Variants in PEAR1 observed in about 807,000 individuals in gnomAD.
PEAR1 encodes multiple EGF-like domains protein 12.
A neutral mutation model predicts 131.2 loss-of-function variants in PEAR1; 113 were observed. That is an observed-to-expected ratio of 0.86 (90% CI 0.74 to 1.01). The LOEUF (loss-of-function observed/expected upper bound fraction) is 1.01. Among genes scored for constraint, PEAR1 ranks in the 50% least tolerant of loss-of-function variants. The probability of loss-of-function intolerance (pLI) is 0.00; values close to 1 mark genes in which losing one functional copy is unlikely to be tolerated. For missense variants in PEAR1, 1,408 were observed against 1,391.1 expected (o/e 1.01, Z -0.19); for synonymous variants, 565 against 523.3 (o/e 1.08, Z -1.09).
At chr1:156,904,468 A>G (rs1245505857) in intron 2 of PEAR1, among the ~76,000 whole-genome samples, 1 of 152,100 alleles carries the variant, frequency 6.6e-6, no homozygotes, top group Non-Finnish European at 1.5e-5. Context: ...CCCTTTCCAT[A>G]CAGGGAGGAG....
At chr1:156,898,393 T>G (rs896792089) in intron 1 of PEAR1, among the ~76,000 whole-genome samples, 4 of 151,998 alleles carry the variant, frequency 2.6e-5, no homozygotes, top group Non-Finnish European at 4.4e-5. Context: ...TCTGGCGCAC[T>G]CTGGCCGCAT....
Position 156,913,377 on chromosome 1 carries a change from C to T in PEAR1, c.2512-14C>T, listed in dbSNP as rs199565078. ...CTTGCCTCTTGCTCTCCCTCCTGCA[C>T]TGTCCCCTCTTAGGTTCCAGGCCCG... is the stretch of plus-strand genomic sequence containing the variant. On this transcript the variant is annotated splice_polypyrimidine_tract_variant and intron_variant, in intron 19 of 22. Coordinates refer to ENST00000292357, the MANE Select transcript of PEAR1 (RefSeq NM_001080471.3). 3 of 1,612,852 alleles carry T rather than the reference C, an allele frequency of 1.9e-6. 1 individual carries two copies. In the Middle Eastern group the frequency reaches 5.0e-4, roughly 266 times the overall value.
At chr1:156,900,430 A>T (rs1190966502) in intron 1 of PEAR1, among the ~76,000 whole-genome samples, 2 of 151,884 alleles carry the variant, frequency 1.3e-5, no homozygotes, top group Non-Finnish European at 2.9e-5. Flanking sequence ...GGGAAAGAGT[A>T]GAATCATGGG....
In PEAR1 at chr1:156,913,945, G is replaced by A. The variant is rs1247336533; in HGVS notation, c.2807G>A (p.Gly936Glu). Residue 936 changes from glycine (G) to glutamate (E), a missense_variant, in exon 22 of 23, where the codon GGG becomes GAG. Gly to Glu is a moderately conservative substitution (Grantham distance 98). Transcript: ENST00000292357. Reference protein sequence around the residue: ...ATIRDLPSLPGGPRESSYMEM... With the variant: ...ATIRDLPSLPEGPRESSYMEM... ...ATCCGGGACCTGCCCAGCTTGCCAG[G>A]GGGCCCCCGGGAGAGCAGCTACATG... The A allele has an allele frequency of 1.2e-6, 2 of 1,614,052 alleles. No homozygotes were observed. Among genetic ancestry groups the A allele is most frequent in the Non-Finnish European group, 1.7e-6 (2 of 1,180,010 alleles).
Position 156,913,537 on chromosome 1 carries a change from G to A in PEAR1, c.2644+14G>A, listed in dbSNP as rs1288754402. 6.2e-7 allele frequency: 1 copy of A among 1,611,470 alleles called. No individual in the cohort carries two copies. The highest frequency in any genetic ancestry group is 1.1e-5 in the South Asian group (1 of 91,016). Reference sequence around the variant, plus strand: ...CTCTGGACAGGGGTAGGTGCCGGGAGGCCAGGGTCTCTGGCGCGGGTGGAT... The same window carrying A: ...CTCTGGACAGGGGTAGGTGCCGGGAAGCCAGGGTCTCTGGCGCGGGTGGAT... On this transcript the variant is annotated intron_variant, in intron 20 of 22. Coordinates refer to ENST00000292357, the MANE Select transcript of PEAR1 (RefSeq NM_001080471.3).
In PEAR1 at chr1:156,912,494, G is replaced by C. The variant is rs754593492; in HGVS notation, c.2081G>C (p.Gly694Ala). 1.5e-5 allele frequency: 24 copies of C among 1,612,292 alleles called. No individual in the cohort carries two copies. The South Asian group carries it at 2.5e-4, about 17-fold the overall frequency. Residue 694 changes from glycine to alanine, a missense_variant and splice_region_variant, in exon 17 of 23, where the codon GGC (glycine) becomes GCC (alanine). Gly to Ala is a moderately conservative substitution (Grantham distance 60). Coordinates refer to ENST00000292357, the MANE Select transcript of PEAR1 (RefSeq NM_001080471.3). ...LGWTGHHCLE[G>A]CPLGTFGANC... The stretch of plus-strand genomic sequence containing the variant: ...CCTGCCTCCTTGGCTGTCTCCCCAG[G>C]CTGCCCTCTGGGGACATTTGGTGCT...
chr1:156,911,184 C>CTTCTTTCT lies in PEAR1; in HGVS notation c.1951+452_1951+459dup, dbSNP rs556818951. ...TTTCTTTCTTTCCTTTCTTTTCTTT[C>CTTCTTTCT]TTCTTTCTTTCTTTCTTTTCTTTCT... On this transcript the variant is annotated intron_variant, in intron 15 of 22. Coordinates refer to ENST00000292357, the MANE Select transcript of PEAR1 (RefSeq NM_001080471.3). Among the ~76,000 whole-genome samples, 527 of 104,422 alleles carry CTTCTTTCT rather than the reference C, an allele frequency of 5.0e-3. 26 individuals are homozygous for CTTCTTTCT. The highest frequency in any genetic ancestry group is 0.015 in the African/African-American group (396 of 25,850). The allele number at this position is 104,422 out of a possible 152,430, so 68.5% of individuals were successfully genotyped here.
At position 156,912,607 on chromosome 1, in the gene PEAR1, G is replaced by A. The variant is rs2101542079; in HGVS notation, c.2194G>A (p.Ala732Thr). 2 of 1,613,706 alleles carry A rather than the reference G, an allele frequency of 1.2e-6. No individual in the cohort carries two copies. Among genetic ancestry groups the A allele is most frequent in the Non-Finnish European group, 8.5e-7 (1 of 1,179,864 alleles). ...ACVCPPGHSG[A>T]PCRIGIQEPF... ...TGTATGTCCCCCAGGGCACAGTGGTGCACCTTGCAGGATTGGTGAGTTCTT... is the reference window on the plus strand; with the variant it reads ...TGTATGTCCCCCAGGGCACAGTGGTACACCTTGCAGGATTGGTGAGTTCTT... The change falls in exon 17 of 23, where the codon GCA becomes ACA. Residue 732 changes from alanine to threonine, a missense_variant. Transcript: ENST00000292357.
intron 11 of PEAR1, 84 bp from the exon 12 acceptor site, chr1:156,909,667 A>T (rs1375672204): frequency 2.0e-6 from 3 of 1,475,458 alleles, no homozygotes; most frequent in Non-Finnish European, 2.7e-6. Context: ...CATAGCATAG[A>T]ATCTGGCCCA....
Position 156,916,319 on chromosome 1 carries a change from TTATTA to T in PEAR1, c.*1525_*1529del, listed in dbSNP as rs751219665. 1 of 152,222 alleles carries T rather than the reference TTATTA, an allele frequency of 6.6e-6. No homozygotes were observed. Among genetic ancestry groups the T allele is most frequent in the Non-Finnish European group, 1.5e-5 (1 of 68,040 alleles). 9.4% of individuals were successfully genotyped at this position (152,222 alleles called of 1,614,324 possible). A position where few individuals can be genotyped will look rare whatever the true frequency, so the allele number is the denominator to read the frequency against. ...TGCAATATTTCAAGCATTTTCATTG[TTATTA>T]TATGTGTTATAGTGATCTGTGATCA... On this transcript the variant is annotated 3_prime_UTR_variant, in exon 23 of 23. Transcript: ENST00000292357.
In PEAR1 at chr1:156,908,635, G is replaced by A. The variant is rs1427580492; in HGVS notation, c.1116-20G>A. 5.3e-6 allele frequency: 8 copies of A among 1,507,168 alleles called. No individual in the cohort carries two copies. The highest frequency in any genetic ancestry group is 2.0e-5 in the Admixed American group (1 of 49,206). 93.4% of individuals were successfully genotyped at this position (1,507,168 alleles called of 1,614,324 possible). A position where few individuals can be genotyped will look rare whatever the true frequency, so the allele number is the denominator to read the frequency against. ...CCCTGCCCAGCTCAGACCGCGCCAC[G>A]CCCCCGCCTCTGCCCCCAGCTGCCA... On this transcript the variant is annotated intron_variant, in intron 9 of 22. Transcript: ENST00000292357. The surrounding 1 kb of genome is among the most constrained non-coding windows in gnomAD (Gnocchi z 4.2).
chr1:156,905,004 T>C (rs1466462158), intron 3 of PEAR1, 152 bp downstream of exon 3: 1 of 1,548,800 alleles, frequency 6.5e-7, no homozygotes, highest in South Asian at 1.2e-5. Context: ...GTCGGGTACG[T>C]GTGTATGGGA....
In PEAR1 at chr1:156,906,962, A is replaced by C. The variant is rs1650401175; in HGVS notation, c.644+82A>C. ...TCTATGTGGGGAAATGAGGTGACTC[A>C]GACAGGGCCCCAAGTGTGGGGATGA... On this transcript the variant is annotated intron_variant, in intron 6 of 22. Coordinates refer to ENST00000292357, the MANE Select transcript of PEAR1 (RefSeq NM_001080471.3). The C allele has an allele frequency of 2.7e-5, 40 of 1,502,572 alleles. 1 individual carries two copies. In the South Asian group the frequency reaches 4.7e-4, roughly 18 times the overall value. The allele number at this position is 1,502,572 out of a possible 1,614,324, so 93.1% of individuals were successfully genotyped here. A position where few individuals can be genotyped will look rare whatever the true frequency, so the allele number is the denominator to read the frequency against.
chr1:156,913,239 A>G lies in PEAR1; in HGVS notation c.2468A>G (p.His823Arg), dbSNP rs751660207. ...CACTACTACTCCAACCCCAGCTACC[A>G]CACCCTGTCGCAGTGCTCCCCAAAC... ...YSHYYSNPSY[H>R]TLSQCSPNPP... The change falls in exon 19 of 23, where the codon CAC (histidine) becomes CGC (arginine). Residue 823 changes from histidine to arginine, a missense_variant. Coordinates refer to ENST00000292357, the MANE Select transcript of PEAR1 (RefSeq NM_001080471.3). 9 of 1,613,548 alleles carry G rather than the reference A, an allele frequency of 5.6e-6. No homozygotes were observed. The highest frequency in any genetic ancestry group is 5.3e-5 in the African/African-American group (4 of 74,900).
intron 15 of PEAR1, among the ~76,000 whole-genome samples, chr1:156,911,434 C>T (rs1211853823): frequency 6.6e-6 from 1 of 151,508 alleles, no homozygotes; most frequent in East Asian, 1.9e-4. Context: ...CACACACCAC[C>T]ACAGCAGGCT....
At position 156,905,267 on chromosome 1, in the gene PEAR1, A is replaced by G; in HGVS notation, c.207-57A>G. 9 of 1,558,516 alleles carry G rather than the reference A, an allele frequency of 5.8e-6. No individual in the cohort carries two copies. In the South Asian group the frequency reaches 1.0e-4, roughly 18 times the overall value. ...CCTTCCCTGGCCTCCCCCTGGCCACACTGTGGTGAGTGCGGACAGCAGGGA... is the reference window on the plus strand; with the variant it reads ...CCTTCCCTGGCCTCCCCCTGGCCACGCTGTGGTGAGTGCGGACAGCAGGGA... On this transcript the variant is annotated intron_variant, in intron 3 of 22. Coordinates refer to ENST00000292357, the MANE Select transcript of PEAR1 (RefSeq NM_001080471.3).
chr1:156,905,298 G>GA, intron 3 of PEAR1, 26 bp from the exon 4 acceptor site: 1 of 1,604,698 alleles, frequency 6.2e-7, no homozygotes, highest in Non-Finnish European at 8.5e-7. Flanking sequence ...AGGGAGGGCT[G>GA]AGGGCCGCCT....
Position 156,908,799 on chromosome 1 carries a change from C to T in PEAR1, c.1260C>T (p.Ser420=). The change falls in exon 10 of 23, where the codon AGC becomes AGT. Residue 420 remains serine, a synonymous_variant. Coordinates refer to ENST00000292357, the MANE Select transcript of PEAR1 (RefSeq NM_001080471.3). The surrounding 1 kb of genome is among the most constrained non-coding windows in gnomAD (Gnocchi z 4.2). ...CLHGGVCQAT[S]GLCQCAPGYT... ...ACGGTGGCGTCTGCCAGGCTACCAG[C>T]GGCCTCTGTCAGTGCGCGCCGGGTT... The T allele has an allele frequency of 3.7e-6, 6 of 1,604,266 alleles. No homozygotes were observed. The highest frequency in any genetic ancestry group is 4.2e-6 in the Non-Finnish European group (5 of 1,177,948).
At chr1:156,894,865 C>T (rs955019750) in intron 1 of PEAR1, among the ~76,000 whole-genome samples, 2 of 152,240 alleles carry the variant, frequency 1.3e-5, no homozygotes, top group Non-Finnish European at 2.9e-5. Context: ...AGCTCTCAAC[C>T]CTGGCCTAAG....
Sources: gnomAD v4.1 joint callset for allele counts (sites outside exome capture counted in the v4.1 genomes callset) on GRCh38, gnomAD v4.1.1 for gene constraint, Gnocchi (gnomAD v3.1) non-coding constraint, MANE v1.5 for transcripts, NCBI Gene and HGNC (gene_info 2026-07-23, HGNC 2026-07-21) for gene names.